The following BLM variants were observed in gnomAD, a reference collection of about 807,000 sequenced individuals.
The protein encoded by BLM is BLM RecQ like helicase, also known as recQ-like DNA helicase BLM.
BLM carries 95 observed loss-of-function variants against 135.3 expected under a neutral mutation model. The ratio of observed to expected loss-of-function variants is 0.70; its 90% CI spans 0.59 to 0.83. BLM has a LOEUF of 0.83. BLM is among the 40% of genes least tolerant of loss of function. The probability of loss-of-function intolerance (pLI) is 0.00; values close to 1 mark genes in which losing one functional copy is unlikely to be tolerated. For missense variants in BLM, 1,518 were observed against 1,663.9 expected (o/e 0.91, Z 1.53); for synonymous variants, 520 against 589.2 (o/e 0.88, Z 1.70).
chr15:90,751,752 T>G, intron 3 of BLM, 35 bp from the exon 4 acceptor site: 3 of 1,584,668 alleles, frequency 1.9e-6, no homozygotes, highest in Non-Finnish European at 2.6e-6. Flanking sequence ...CATTAGTGGT[T>G]AACAAATCTA....
chr15:90,795,482 A>G (rs1897008013), intron 16 of BLM, among the ~76,000 whole-genome samples: 1 of 152,162 alleles, frequency 6.6e-6, no homozygotes, highest in Non-Finnish European at 1.5e-5. Context: ...CTCCATCAAA[A>G]AAAAAAAAGT....
intron 14 of BLM, among the ~76,000 whole-genome samples, chr15:90,788,658 C>T (rs561768601): frequency 6.6e-6 from 1 of 151,944 alleles, no homozygotes; most frequent in African/African-American, 2.4e-5. Flanking sequence ...CATGTAAAAA[C>T]AATACATGAT....
In BLM at chr15:90,753,848, A is replaced by G. The variant is rs1895750004; in HGVS notation, c.960-963A>G. Among the ~76,000 whole-genome samples the G allele has an allele frequency of 2.6e-5, 4 of 152,134 alleles. No homozygotes were observed. In the South Asian group the frequency reaches 8.3e-4, roughly 31 times the overall value. ...ATTTACCTTTTTCAGCTTTATCTCCACTTATGCCCTTGCAATAACCCAGTG... is the reference window on the plus strand; with the variant it reads ...ATTTACCTTTTTCAGCTTTATCTCCGCTTATGCCCTTGCAATAACCCAGTG... On this transcript the variant is annotated intron_variant, in intron 4 of 21. Transcript: ENST00000355112.
At chr15:90,747,654 A>G in intron 2 of BLM, 164 bp downstream of exon 2, 1 of 626,632 alleles carries the variant, frequency 1.6e-6, no homozygotes, top group East Asian at 2.8e-5. Flanking sequence ...ATGTTTTAGC[A>G]GCACCAGGTG....
chr15:90,766,178 G>T (rs1255616812), intron 9 of BLM, among the ~76,000 whole-genome samples: 2 of 152,010 alleles, frequency 1.3e-5, no homozygotes, highest in South Asian at 2.1e-4. Flanking sequence ...CCACTAGTTT[G>T]GTTTTCTTCC....
chr15:90,731,145 T>C (rs1895058269), intron 1 of BLM, among the ~76,000 whole-genome samples: 1 of 152,150 alleles, frequency 6.6e-6, no homozygotes, highest in Non-Finnish European at 1.5e-5. Flanking sequence ...TTAATCACAC[T>C]GCCCAGGCTG....
chr15:90,742,998 C>CTT (rs11306432), intron 1 of BLM, among the ~76,000 whole-genome samples: 20 of 140,014 alleles, frequency 1.4e-4, no homozygotes, highest in South Asian at 4.6e-4. Flanking sequence ...TTTCCTGTGA[C>CTT]TTTTTTTTTT....
chr15:90,730,667 C>T (rs1005183891), intron 1 of BLM, among the ~76,000 whole-genome samples: 3 of 152,062 alleles, frequency 2.0e-5, no homozygotes, highest in African/African-American at 7.2e-5. Flanking sequence ...AGACTGGTCT[C>T]GAACTCCTGA....
At chr15:90,744,369 T>TA (rs1567032764) in intron 1 of BLM, among the ~76,000 whole-genome samples, 1 of 152,088 alleles carries the variant, frequency 6.6e-6, no homozygotes, top group African/African-American at 2.4e-5. Context: ...GGCTTTTATT[T>TA]TTTATTTATT....
chr15:90,734,514 C>G (rs1035211126), intron 1 of BLM, among the ~76,000 whole-genome samples: 2 of 152,052 alleles, frequency 1.3e-5, no homozygotes. Context: ...TCTCAAAGTC[C>G]TGACCTCAGG....
intron 15 of BLM, chr15:90,793,651 T>C (rs931898625): frequency 7.9e-5 from 12 of 152,550 alleles, no homozygotes; most frequent in African/African-American, 2.9e-4. Flanking sequence ...GTTAATACCA[T>C]TAACTACCTC....
At position 90,782,803 on chromosome 15, in the gene BLM, A is replaced by G. The variant is rs1472411530; in HGVS notation, c.2556-19A>G. The G allele has an allele frequency of 1.9e-6, 3 of 1,560,006 alleles. No individual in the cohort carries two copies. The highest frequency in any genetic ancestry group is 2.7e-6 in the Non-Finnish European group (3 of 1,131,164). ...TATTTTCTCATAATAACTAAATTTT[A>G]TGTTTGGGACTTTTTTAGGTTTAGC... On this transcript the variant is annotated intron_variant, in intron 12 of 21. Coordinates refer to ENST00000355112, the MANE Select transcript of BLM (RefSeq NM_000057.4).
At chr15:90,747,237 CAAAAAAAAA>C (rs59331923) in intron 1 of BLM, among the ~76,000 whole-genome samples, 143 bp from the exon 2 acceptor site, 22 of 39,298 alleles carry the variant, frequency 5.6e-4, no homozygotes, top group African/African-American at 1.8e-3. Context: ...GTCTATTGAC[CAAAAAAAAA>C]AAAAAAAAAA....
Position 90,749,542 on chromosome 15 carries a change from A to G in BLM, c.274A>G (p.Asn92Asp), listed in dbSNP as rs200690226. 230 of 1,614,212 alleles carry G rather than the reference A, an allele frequency of 1.4e-4. No homozygotes were observed. Among genetic ancestry groups the G allele is most frequent in the Non-Finnish European group, 1.8e-4 (207 of 1,180,038 alleles). ...GCAAAGGGTCAAGGACTTCTTTAAAAATGCTCCAGCAGGACAGGAAACACA... is the reference window on the plus strand; with the variant it reads ...GCAAAGGGTCAAGGACTTCTTTAAAGATGCTCCAGCAGGACAGGAAACACA... ...NQQRVKDFFKNAPAGQETQRG... is the reference protein window; with the variant it reads ...NQQRVKDFFKDAPAGQETQRG... Residue 92 changes from asparagine to aspartate, a missense_variant, in exon 3 of 22, where the codon AAT becomes GAT. Around this residue, in one of 5 missense-constraint regions of BLM, gnomAD observed 724 missense variants for 756.9 expected, o/e 0.96. Coordinates refer to ENST00000355112, the MANE Select transcript of BLM (RefSeq NM_000057.4).
At chr15:90,728,771 A>C (rs1028328749) in intron 1 of BLM, among the ~76,000 whole-genome samples, 1 of 152,126 alleles carries the variant, frequency 6.6e-6, no homozygotes, top group African/African-American at 2.4e-5. Context: ...TTTATTGATG[A>C]TATAGAAAAA....
chr15:90,786,507 T>C (rs1338395092), intron 14 of BLM, among the ~76,000 whole-genome samples: 2 of 152,254 alleles, frequency 1.3e-5, no homozygotes, highest in African/African-American at 4.8e-5. Context: ...GAGGTGCCAG[T>C]GTCTCCACGT....
intron 12 of BLM, among the ~76,000 whole-genome samples, chr15:90,773,926 T>A (rs557128137): frequency 2.2e-4 from 33 of 152,310 alleles, no homozygotes; most frequent in Non-Finnish European, 4.1e-4. Flanking sequence ...TTTTTTTGAA[T>A]AATGCTGCTG....
chr15:90,797,414 CA>C (rs56369282), intron 16 of BLM, among the ~76,000 whole-genome samples: 324 of 109,410 alleles, frequency 3.0e-3, no homozygotes, highest in African/African-American at 9.7e-3. Context: ...AACTCCATCT[CA>C]AAAAAAAAAA....
intron 1 of BLM, among the ~76,000 whole-genome samples, chr15:90,729,852 A>T (rs1412686294): frequency 2.6e-5 from 4 of 151,864 alleles, no homozygotes; most frequent in Admixed American, 6.6e-5. Context: ...TTTTATTTTT[A>T]TTTTTATTTT....
Sources: gnomAD v4.1 joint callset for allele counts (sites outside exome capture counted in the v4.1 genomes callset) on GRCh38, gnomAD v4.1.1 for gene constraint, gnomAD v4.1.1 regional missense constraint, MANE v1.5 for transcripts, NCBI Gene and HGNC (gene_info 2026-07-23, HGNC 2026-07-21) for gene names.